The following MAST4 variants were observed in gnomAD, a reference collection of about 807,000 sequenced individuals.
The protein encoded by MAST4 is microtubule associated serine/threonine kinase family member 4, also known as microtubule-associated serine/threonine-protein kinase 4.
MAST4 carries 89 observed loss-of-function variants against 162.7 expected under a neutral mutation model. That is an observed-to-expected ratio of 0.55 (90% confidence interval 0.46 to 0.65). The LOEUF (loss-of-function observed/expected upper bound fraction) is 0.65. Ranked by LOEUF, MAST4 falls within the 30% of genes least tolerant of loss-of-function variation. The pLI is 0.00. For synonymous variants in MAST4, 1,479 were observed against 1,361.1 expected, an observed-to-expected ratio of 1.09 and a Z score of -1.91; for missense variants, 3,153 against 3,374.0, an observed-to-expected ratio of 0.93 and a Z score of 1.62.
Position 67,164,103 on chromosome 5 carries a change from C to A in MAST4, c.4924C>A (p.Pro1642Thr), listed in dbSNP as rs1443343423. ...GGGDFRRAPA[P>T]GTLQDGLCHS... is the part of the protein sequence containing the mutation. ...CGGGGACTTCAGACGGGCCCCCGCT[C>A]CTGGCACCCTCCAGGATGGTCTCTG... The change falls in exon 29 of 29, where the codon CCT becomes ACT. Residue 1642 changes from proline to threonine, a missense_variant. Physicochemically the swap from Pro to Thr is conservative, Grantham distance 38. Coordinates refer to ENST00000403625, the MANE Select transcript of MAST4 (RefSeq NM_001164664.2). This position sits in a 1 kb window ranked among gnomAD's most constrained non-coding sequence, Gnocchi z 5.3. 1.3e-6 allele frequency: 2 copies of A among 1,582,122 alleles called. No individual in the cohort carries two copies. The highest frequency in any genetic ancestry group is 2.3e-5 in the South Asian group (2 of 87,016).
chr5:67,049,008 C>CACATATATATATACGTAT (rs1362965159), intron 4 of MAST4, among the ~76,000 whole-genome samples: 22 of 104,514 alleles, frequency 2.1e-4, no homozygotes, highest in Admixed American at 1.9e-3. Flanking sequence ...TATACACACA[C>CACATATATATATACGTAT]ATATATATAT....
chr5:67,129,803 A>T (rs1020543196), intron 14 of MAST4, among the ~76,000 whole-genome samples: 2 of 152,168 alleles, frequency 1.3e-5, no homozygotes, highest in African/African-American at 4.8e-5. Context: ...TCTACTATCT[A>T]ACGCTAGAAA....
chr5:66,937,654 C>T (rs1361579160), intron 4 of MAST4, among the ~76,000 whole-genome samples: 1 of 151,982 alleles, frequency 6.6e-6, no homozygotes, highest in Non-Finnish European at 1.5e-5. Context: ...GTACGTTCAT[C>T]TACTCATTTT....
At chr5:67,014,700 C>G (rs749062362) in intron 4 of MAST4, among the ~76,000 whole-genome samples, 5 of 152,182 alleles carry the variant, frequency 3.3e-5, no homozygotes, top group African/African-American at 7.2e-5. Flanking sequence ...GGCTTAAGAT[C>G]AGAGACCTGC....
chr5:66,985,799 A>C (rs1359734974), intron 4 of MAST4, among the ~76,000 whole-genome samples: 1 of 152,218 alleles, frequency 6.6e-6, no homozygotes, highest in Non-Finnish European at 1.5e-5. Flanking sequence ...TCGTTGAATT[A>C]GAAAAAATAA....
intron 4 of MAST4, among the ~76,000 whole-genome samples, chr5:67,029,239 C>T (rs1332657548): frequency 6.6e-6 from 1 of 152,106 alleles, no homozygotes; most frequent in Non-Finnish European, 1.5e-5. Flanking sequence ...TCTGCTTAGA[C>T]CCAGGTCAGA....
At chr5:66,991,330 G>A (rs1750046035) in intron 4 of MAST4, among the ~76,000 whole-genome samples, 1 of 152,126 alleles carries the variant, frequency 6.6e-6, no homozygotes, top group Admixed American at 6.5e-5. Context: ...CCCTTGTTTG[G>A]ATACTTACAT....
At chr5:66,653,333 C>T (rs1254716042) in intron 1 of MAST4, among the ~76,000 whole-genome samples, 1 of 152,192 alleles carries the variant, frequency 6.6e-6, no homozygotes, top group African/African-American at 2.4e-5. Context: ...TTTGTTACTT[C>T]TCTCTTTCCC....
intron 4 of MAST4, among the ~76,000 whole-genome samples, chr5:67,025,112 A>G (rs6889240): frequency 0.19 from 29,191 of 152,100 alleles, 3,283 homozygotes; most frequent in Non-Finnish European, 0.26. Context: ...CATTGGCAGT[A>G]TAGTAAAGCC....
chr5:66,938,393 A>G (rs1436516612), intron 4 of MAST4, among the ~76,000 whole-genome samples: 1 of 152,196 alleles, frequency 6.6e-6, no homozygotes, highest in Non-Finnish European at 1.5e-5. Context: ...GCTTCTTGCT[A>G]TCCAGAAAGA....
chr5:67,098,591 T>C (rs894362941), intron 7 of MAST4, among the ~76,000 whole-genome samples: 2 of 152,186 alleles, frequency 1.3e-5, no homozygotes, highest in African/African-American at 4.8e-5. Context: ...ATATGAATAC[T>C]ATCCTTTGCA....
At chr5:66,646,350 G>A (rs761800381) in intron 1 of MAST4, among the ~76,000 whole-genome samples, 8 of 152,048 alleles carry the variant, frequency 5.3e-5, no homozygotes, top group Non-Finnish European at 1.0e-4. Flanking sequence ...AACTGTGACA[G>A]CAACATAGCA....
At chr5:66,720,564 T>G (rs1334915359) in intron 1 of MAST4, among the ~76,000 whole-genome samples, 1 of 152,178 alleles carries the variant, frequency 6.6e-6, no homozygotes, top group Non-Finnish European at 1.5e-5. Context: ...GCTCTATCCA[T>G]CTTATTTCCT....
At chr5:66,977,362 A>G (rs1396489393) in intron 4 of MAST4, among the ~76,000 whole-genome samples, 1 of 152,118 alleles carries the variant, frequency 6.6e-6, no homozygotes, top group East Asian at 1.9e-4. Context: ...CAGTCTCCCA[A>G]AGTGCTGGGA....
chr5:66,883,043 T>C (rs971661027), intron 3 of MAST4, among the ~76,000 whole-genome samples: 2 of 152,150 alleles, frequency 1.3e-5, no homozygotes, highest in African/African-American at 4.8e-5. Flanking sequence ...AATCATAGTT[T>C]AAAAAATCAT....
Position 67,133,594 on chromosome 5 carries a change from A to T in MAST4, c.2174A>T (p.Asn725Ile). 6.2e-7 allele frequency: 1 copy of T among 1,613,396 alleles called. No homozygotes were observed. The highest frequency in any genetic ancestry group is 8.5e-7 in the Non-Finnish European group (1 of 1,179,498). The change falls in exon 17 of 29, where the codon AAC becomes ATC. Residue 725 changes from asparagine to isoleucine, a missense_variant. By Grantham distance (149) the Asn-to-Ile change is moderately radical. Transcript: ENST00000403625. ...SKVGLMSMTT[N>I]LYEGHIEKDA... The stretch of plus-strand genomic sequence containing the variant: ...GTGGGACTAATGAGCATGACTACCA[A>T]CCTTTACGAGGGTCATATTGAGAAG...
chr5:66,754,672 TATAGTGC>T (rs1753416580), intron 1 of MAST4, among the ~76,000 whole-genome samples: 2 of 152,138 alleles, frequency 1.3e-5, no homozygotes, highest in African/African-American at 4.8e-5. Context: ...GACAAAACAA[TATAGTGC>T]ATAATTTCAT....
chr5:66,788,834 A>G (rs750982160), intron 3 of MAST4, 40 bp downstream of exon 3: 2 of 1,512,368 alleles, frequency 1.3e-6, no homozygotes, highest in South Asian at 1.3e-5. Context: ...GCTCCAGCTC[A>G]CCACCTCTCT....
chr5:67,037,987 A>G (rs1756235379), intron 4 of MAST4, among the ~76,000 whole-genome samples: 1 of 152,118 alleles, frequency 6.6e-6, no homozygotes, highest in Non-Finnish European at 1.5e-5. Flanking sequence ...TTGTTTAACA[A>G]TATATTATGG....
Sources: gnomAD v4.1 joint callset for allele counts (sites outside exome capture counted in the v4.1 genomes callset) on GRCh38, gnomAD v4.1.1 for gene constraint, Gnocchi (gnomAD v3.1) non-coding constraint, MANE v1.5 for transcripts, NCBI Gene and HGNC (gene_info 2026-07-23, HGNC 2026-07-21) for gene names.